The following SORCS1 variants were observed in gnomAD, a reference collection of about 807,000 sequenced individuals.
SORCS1 encodes VPS10 domain-containing receptor SorCS1.
SORCS1 carries 60 observed loss-of-function variants against 146.1 expected under a neutral mutation model. That is an observed-to-expected ratio of 0.41 (90% confidence interval 0.33 to 0.51). SORCS1 has a LOEUF of 0.51. Among genes scored for constraint, SORCS1 ranks in the 20% least tolerant of loss-of-function variants. The pLI, the probability that SORCS1 is intolerant of heterozygous loss-of-function variation, is 0.21. For missense variants in SORCS1, 1,352 were observed against 1,487.6 expected, an observed-to-expected ratio of 0.91 and a Z score of 1.50; for synonymous variants, 637 against 584.0, an observed-to-expected ratio of 1.09 and a Z score of -1.31.
intron 2 of SORCS1, among the ~76,000 whole-genome samples, chr10:106,946,571 A>G (rs117261395): frequency 0.014 from 2,142 of 152,324 alleles, 25 homozygotes; most frequent in Non-Finnish European, 0.024. Context: ...TTACACCATG[A>G]CTGTGGGGCC....
intron 21 of SORCS1, among the ~76,000 whole-genome samples, chr10:106,613,284 C>T (rs776830028): frequency 3.3e-5 from 5 of 152,002 alleles, no homozygotes; most frequent in African/African-American, 7.3e-5. Flanking sequence ...ATTCTCTGTG[C>T]GAGAAAGTGG....
intron 1 of SORCS1, among the ~76,000 whole-genome samples, chr10:107,050,741 T>C (rs1790429941): frequency 6.6e-6 from 1 of 152,172 alleles, no homozygotes; most frequent in Admixed American, 6.5e-5. Context: ...GTATTTTCTT[T>C]TTAGAACCAA....
intron 1 of SORCS1, 25 bp from the exon 2 acceptor site, chr10:106,956,605 G>C: frequency 6.2e-7 from 1 of 1,606,384 alleles, no homozygotes; most frequent in African/African-American, 1.3e-5. Context: ...AGAAATCATG[G>C]TTAGTCTCAA....
At position 106,769,286 on chromosome 10, in the gene SORCS1, C is replaced by A. The variant is rs147904944; in HGVS notation, c.885+7248G>T. 9.2e-3 allele frequency among the ~76,000 whole-genome samples: 1,399 copies of A among 151,950 alleles called. 22 individuals carry two copies. The highest frequency in any genetic ancestry group is 0.032 in the African/African-American group (1,330 of 41,438). Reference sequence around the variant, plus strand: ...AGATCACAAGGTCAGGAGTTTGAGGCCAGCCTGGCCAACACAGTGAAGCCC... The same window carrying A: ...AGATCACAAGGTCAGGAGTTTGAGGACAGCCTGGCCAACACAGTGAAGCCC... On this transcript the variant is annotated intron_variant, in intron 4 of 25. Transcript: ENST00000263054.
At chr10:106,769,680 T>C (rs570118939) in intron 4 of SORCS1, among the ~76,000 whole-genome samples, 1 of 152,314 alleles carries the variant, frequency 6.6e-6, no homozygotes, top group South Asian at 2.1e-4. Context: ...CTTTTATGCA[T>C]GTTACTAAAA....
At chr10:106,775,807 T>G (rs1402386867) in intron 4 of SORCS1, among the ~76,000 whole-genome samples, 1 of 152,252 alleles carries the variant, frequency 6.6e-6, no homozygotes, top group Non-Finnish European at 1.5e-5. Context: ...TTTAATTTTA[T>G]TAGCTATTGC....
At chr10:106,714,594 C>T (rs1303349796) in intron 6 of SORCS1, among the ~76,000 whole-genome samples, 3 of 152,170 alleles carry the variant, frequency 2.0e-5, no homozygotes, top group South Asian at 2.1e-4. Context: ...TACCAAAATA[C>T]GTGCATTATG....
At chr10:106,885,283 AT>A (rs767672008) in intron 2 of SORCS1, among the ~76,000 whole-genome samples, 17 of 139,272 alleles carry the variant, frequency 1.2e-4, no homozygotes, top group African/African-American at 1.7e-4. Context: ...TAAGGAGAAA[AT>A]TGGGGGGGGG....
intron 18 of SORCS1, among the ~76,000 whole-genome samples, chr10:106,629,924 G>A (rs7073704): frequency 0.14 from 21,766 of 152,086 alleles, 2,202 homozygotes; most frequent in East Asian, 0.31. Flanking sequence ...CACGCCTATA[G>A]TCCCAGCTAC....
chr10:107,052,744 T>C (rs1960237645), intron 1 of SORCS1, among the ~76,000 whole-genome samples: 1 of 152,180 alleles, frequency 6.6e-6, no homozygotes, highest in Non-Finnish European at 1.5e-5. Context: ...TTCTGCTACC[T>C]GTCAACTTCT....
chr10:106,847,774 G>T, intron 2 of SORCS1, among the ~76,000 whole-genome samples: 1 of 122,254 alleles, frequency 8.2e-6, no homozygotes, highest in African/African-American at 2.8e-5. Flanking sequence ...CAGAGATTCT[G>T]GTATGTTGTG....
At position 106,886,373 on chromosome 10, in the gene SORCS1, G is replaced by T. The variant is rs529657882; in HGVS notation, c.627-56700C>A. Among the ~76,000 whole-genome samples the T allele has an allele frequency of 1.0e-3, 153 of 152,268 alleles. 1 individual carries two copies. Among genetic ancestry groups the T allele is most frequent in the Non-Finnish European group, 1.7e-3 (113 of 68,022 alleles). On this transcript the variant is annotated intron_variant, in intron 2 of 25. Transcript: ENST00000263054. ...CATAAAAATGGACTAATACACCATG[G>T]TGGATTATTTTCTACATTATTTTCC...
At chr10:107,077,367 T>A (rs1962977490) in intron 1 of SORCS1, among the ~76,000 whole-genome samples, 1 of 152,076 alleles carries the variant, frequency 6.6e-6, no homozygotes, top group South Asian at 2.1e-4. Context: ...AAGAAATACA[T>A]ACTATAAACT....
intron 3 of SORCS1, among the ~76,000 whole-genome samples, chr10:106,783,724 C>A (rs1589867988): frequency 6.6e-6 from 1 of 152,124 alleles, no homozygotes; most frequent in African/African-American, 2.4e-5. Context: ...GTTCATACCC[C>A]AGATTTTTCA....
At chr10:106,956,425 T>C in intron 2 of SORCS1, 88 bp downstream of exon 2, 4 of 1,228,498 alleles carry the variant, frequency 3.3e-6, no homozygotes, top group Non-Finnish European at 4.7e-6. Flanking sequence ...ACCAGGAACC[T>C]TCCTGCCAGG....
At chr10:107,179,439 T>G in the SORCS1 span, among the ~76,000 whole-genome samples, 1 of 152,198 alleles carries the variant, frequency 6.6e-6, no homozygotes, top group African/African-American at 2.4e-5. Flanking sequence ...TTTATATAAC[T>G]GCATCATTTC....
Position 106,602,216 on chromosome 10 carries a change from C to T in SORCS1, c.3166-4766G>A, listed in dbSNP as rs561951311. 4.6e-5 allele frequency among the ~76,000 whole-genome samples: 7 copies of T among 152,160 alleles called. No individual in the cohort carries two copies. In the South Asian group the frequency reaches 6.2e-4, roughly 14 times the overall value. On this transcript the variant is annotated intron_variant, in intron 23 of 25. Coordinates refer to ENST00000263054, the MANE Select transcript of SORCS1 (RefSeq NM_052918.5). Reference sequence around the variant, plus strand: ...GGCAAAGCTACACTGGGCTAAAATACGAATATTTATTCTGAAGGTGGTAGG... The same window carrying T: ...GGCAAAGCTACACTGGGCTAAAATATGAATATTTATTCTGAAGGTGGTAGG...
At chr10:106,815,317 A>G (rs1012769401) in intron 3 of SORCS1, among the ~76,000 whole-genome samples, 1 of 152,140 alleles carries the variant, frequency 6.6e-6, no homozygotes, top group African/African-American at 2.4e-5. Flanking sequence ...GGAGGGAGAG[A>G]GGGAAGAAAA....
intron 3 of SORCS1, among the ~76,000 whole-genome samples, chr10:106,806,059 C>A (rs374606249): frequency 2.7e-4 from 27 of 100,112 alleles, no homozygotes; most frequent in East Asian, 8.4e-4. Flanking sequence ...GACTCCGTCT[C>A]AAAAAAAAAA....
Sources: allele counts gnomAD v4.1 joint callset (sites outside exome capture counted in the v4.1 genomes callset), GRCh38; gene constraint gnomAD v4.1.1; transcripts MANE v1.5; gene names NCBI Gene and HGNC (gene_info 2026-07-23, HGNC 2026-07-21).